HPS4: variants seen among roughly 807,000 people sequenced by gnomAD.
The protein encoded by HPS4 is BLOC-3 complex member HPS4.
Under a neutral mutation model 70.3 loss-of-function variants are expected in HPS4, and 44 were observed. The ratio of observed to expected loss-of-function variants is 0.63; its 90% CI spans 0.49 to 0.80. The LOEUF (loss-of-function observed/expected upper bound fraction) is 0.80, where lower values mean the gene tolerates loss of function less well. Among genes scored for constraint, HPS4 ranks in the 30% least tolerant of loss-of-function variants. The pLI, the probability that HPS4 is intolerant of heterozygous loss-of-function variation, is 0.00. For synonymous variants in HPS4, 377 were observed against 355.9 expected, an observed-to-expected ratio of 1.06 and a Z score of -0.67; for missense variants, 873 against 884.4, an observed-to-expected ratio of 0.99 and a Z score of 0.16.
At chr22:26,476,138 T>C (rs10483125) in intron 4 of HPS4, 10 of 152,038 alleles carry the variant, frequency 6.6e-5, no homozygotes, top group South Asian at 2.1e-4. Context: ...AACTGTAGAA[T>C]TGAGGAGGTA....
At chr22:26,475,643 C>G (rs971069224) in intron 4 of HPS4, 1 of 151,146 alleles carries the variant, frequency 6.6e-6, no homozygotes, top group African/African-American at 2.4e-5. Context: ...TGAGCCACAG[C>G]GCTCAGCCCC....
At chr22:26,447,145 C>CA (rs2084979482), downstream of HPS4, among the ~76,000 whole-genome samples, 2 of 152,192 alleles carry the variant, frequency 1.3e-5, no homozygotes, top group African/African-American at 2.4e-5. Context: ...TCTGACCAAT[C>CA]AGTCTTCCAA....
downstream of HPS4, among the ~76,000 whole-genome samples, chr22:26,449,140 G>A (rs747272493): frequency 1.4e-4 from 21 of 151,730 alleles, no homozygotes; most frequent in East Asian, 3.9e-4. Context: ...GTCCCTCCCC[G>A]CCCCAAACCT....
chr22:26,444,460 G>A (rs927858072), exon 4 of HPS4: 4 of 152,146 alleles, frequency 2.6e-5, no homozygotes, highest in African/African-American at 7.2e-5. Context: ...ATCTCTTCCC[G>A]AAGGAAAAGG....
intron 7 of HPS4, among the ~76,000 whole-genome samples, chr22:26,469,336 T>C (rs943315207): frequency 1.3e-4 from 20 of 151,170 alleles, no homozygotes; most frequent in Non-Finnish European, 2.7e-4. Context: ...TAGCAAGTGC[T>C]TGTTGTTCCA....
intron 7 of HPS4, 119 bp from the exon 8 acceptor site, chr22:26,468,742 G>T: frequency 3.5e-6 from 3 of 866,260 alleles, no homozygotes; most frequent in Non-Finnish European, 5.7e-6. Context: ...GCTGGTGGGA[G>T]TTTCAACTGG....
intron 11 of HPS4, among the ~76,000 whole-genome samples, chr22:26,460,399 G>A (rs376902698): frequency 6.6e-5 from 10 of 152,196 alleles, no homozygotes; most frequent in East Asian, 5.8e-4. Flanking sequence ...GTGCCGACAC[G>A]CACACGGGCA....
downstream of HPS4, among the ~76,000 whole-genome samples, chr22:26,449,399 C>T (rs1352916799): frequency 2.0e-5 from 3 of 147,436 alleles, no homozygotes; most frequent in East Asian, 4.0e-4. Context: ...AATCTCAGCT[C>T]GGCTCACTGC....
At chr22:26,473,006 C>T in intron 4 of HPS4, 67 bp from the exon 5 acceptor site, 1 of 1,385,380 alleles carries the variant, frequency 7.2e-7, no homozygotes, top group Admixed American at 1.7e-5. Context: ...AGAATCCTGG[C>T]ATCCAGGGCT....
chr22:26,473,658 G>A (rs1025530484), intron 4 of HPS4, among the ~76,000 whole-genome samples: 18 of 152,176 alleles, frequency 1.2e-4, no homozygotes, highest in Admixed American at 8.5e-4. Flanking sequence ...CAGGGGAATC[G>A]CTTGAACCTG....
Position 26,470,829 on chromosome 22 carries a change from G to A in HPS4, c.502-16C>T. ...GGGGCTCCACCTGTGCAGGGCAAGAGGCATCATGCCCACCCATCAGCATGC... is the reference window on the plus strand; with the variant it reads ...GGGGCTCCACCTGTGCAGGGCAAGAAGCATCATGCCCACCCATCAGCATGC... On this transcript the variant is annotated splice_polypyrimidine_tract_variant and intron_variant, in intron 6 of 13. Transcript: ENST00000398145. 6.2e-7 allele frequency: 1 copy of A among 1,613,956 alleles called. No individual in the cohort carries two copies. The highest frequency in any genetic ancestry group is 1.1e-5 in the South Asian group (1 of 91,064).
downstream of HPS4, among the ~76,000 whole-genome samples, chr22:26,449,620 C>T (rs935534754): frequency 2.7e-5 from 4 of 150,404 alleles, no homozygotes; most frequent in South Asian, 2.1e-4. Context: ...GGCGTCACAC[C>T]GCGCCCATCC....
Position 26,473,700 on chromosome 22 carries a change from G to A in HPS4, c.277-761C>T, listed in dbSNP as rs1023878272. Among the ~76,000 whole-genome samples, 9 of 151,984 alleles carry A rather than the reference G, an allele frequency of 5.9e-5. No homozygotes were observed. In the East Asian group the frequency reaches 9.7e-4, roughly 16 times the overall value. On this transcript the variant is annotated intron_variant, in intron 4 of 13. Coordinates refer to ENST00000398145, the MANE Select transcript of HPS4 (RefSeq NM_022081.6). ...AGAGGTTGCAGCGAGCCGAGATTGC[G>A]CTACTGCACTCCAGCCTGGCAACAG... is the stretch of plus-strand genomic sequence containing the variant.
chr22:26,479,616 A>AG lies in HPS4; in HGVS notation c.42-262_42-261insC, dbSNP rs1290445597. Reference sequence around the variant, plus strand: ...AAGACACGAGTAGCTAGAAAAAAAAACGAGGCGCCCACAATGACTGCTCTT... The same window carrying AG: ...AAGACACGAGTAGCTAGAAAAAAAAAGCGAGGCGCCCACAATGACTGCTCTT... On this transcript the variant is annotated intron_variant, in intron 2 of 13. Transcript: ENST00000398145. 1.3e-5 allele frequency: 17 copies of AG among 1,336,646 alleles called. No homozygotes were observed. The East Asian group carries it at 5.2e-4, about 40-fold the overall frequency. The allele number at this position is 1,336,646 out of a possible 1,614,324, so 82.8% of individuals were successfully genotyped here.
At chr22:26,469,760 A>T (rs2089468320) in intron 7 of HPS4, among the ~76,000 whole-genome samples, 1 of 152,032 alleles carries the variant, frequency 6.6e-6, no homozygotes, top group African/African-American at 2.4e-5. Context: ...GGGGAAAAAA[A>T]ATACTGTCTT....
In HPS4 at chr22:26,463,976, C is replaced by G. The variant is rs5752330; in HGVS notation, c.1654G>C (p.Val552Leu). 6.2e-7 allele frequency: 1 copy of G among 1,614,082 alleles called. No homozygotes were observed. Among genetic ancestry groups the G allele is most frequent in the Non-Finnish European group, 8.5e-7 (1 of 1,180,028 alleles). The change falls in exon 11 of 14, where the codon GTG (valine) becomes CTG (leucine). Residue 552 changes from valine to leucine, a missense_variant. Val to Leu is a conservative substitution (Grantham distance 32, BLOSUM62 1). Transcript: ENST00000398145. ...GGCTCCTCAGCCAGCAGGGACAGCA[C>G]CAGCCCTTTGACGCAGTGAGTGTAG... ...NLYTHCVKGL[V>L]LSLLAEEPLL...
intron 7 of HPS4, among the ~76,000 whole-genome samples, chr22:26,470,148 G>C (rs1262667762): frequency 2.6e-5 from 4 of 152,268 alleles, no homozygotes; most frequent in Non-Finnish European, 5.9e-5. Context: ...TCCATGAGGA[G>C]AGAGGCCTTA....
At position 26,452,718 on chromosome 22, in the gene HPS4, C is replaced by T; in HGVS notation, c.*515G>A. 4.0e-6 allele frequency: 1 copy of T among 251,888 alleles called. No individual in the cohort carries two copies. The highest frequency in any genetic ancestry group is 4.6e-5 in the South Asian group (1 of 21,536). The allele number at this position is 251,888 out of a possible 1,614,324, so 15.6% of individuals were successfully genotyped here. A position where few individuals can be genotyped will look rare whatever the true frequency, so the allele number is the denominator to read the frequency against. ...GCTTCCCTGCAGGAACGATCCGGAC[C>T]TCCCAGCAAGAGCGCACTGGAGAAA... On this transcript the variant is annotated 3_prime_UTR_variant, in exon 14 of 14. Transcript: ENST00000398145.
Position 26,465,317 on chromosome 22 carries a change from A to C in HPS4, c.803+138T>G, listed in dbSNP as rs2088306912. On this transcript the variant is annotated intron_variant, in intron 10 of 13. Coordinates refer to ENST00000398145, the MANE Select transcript of HPS4 (RefSeq NM_022081.6). The stretch of plus-strand genomic sequence containing the variant: ...GTTTCTTAACAAACTCAAGATTCAG[A>C]TGCTCCTTTACAAGACAGGGCATGG... 9.8e-6 allele frequency: 7 copies of C among 712,420 alleles called. No homozygotes were observed. In the East Asian group the frequency reaches 1.9e-4, roughly 19 times the overall value. 44.1% of individuals were successfully genotyped at this position (712,420 alleles called of 1,614,324 possible).
Sources: allele counts gnomAD v4.1 joint callset (sites outside exome capture counted in the v4.1 genomes callset), GRCh38; gene constraint gnomAD v4.1.1; transcripts MANE v1.5; gene names NCBI Gene and HGNC (gene_info 2026-07-23, HGNC 2026-07-21).